The following ZMAT4 variants were observed in gnomAD, a reference collection of about 807,000 sequenced individuals.
ZMAT4 encodes the protein zinc finger matrin-type 4, also known as zinc finger matrin-type protein 4.
In ZMAT4, 17 loss-of-function variants were observed where a neutral mutation model predicts 28.7. The observed-to-expected ratio is 0.59, with a 90% confidence interval of 0.41 to 0.89. The LOEUF (loss-of-function observed/expected upper bound fraction) is 0.89. Ranked by LOEUF, ZMAT4 falls within the 40% of genes least tolerant of loss-of-function variation. The pLI, the probability that ZMAT4 is intolerant of heterozygous loss-of-function variation, is 0.00. For missense variants in ZMAT4, 240 were observed against 283.8 expected (o/e 0.85, Z 1.11); for synonymous variants, 117 against 109.2 (o/e 1.07, Z -0.44).
At chr8:40,845,527 G>C (rs1431924274) in intron 1 of ZMAT4, among the ~76,000 whole-genome samples, 1 of 151,806 alleles carries the variant, frequency 6.6e-6, no homozygotes, top group Non-Finnish European at 1.5e-5. Flanking sequence ...TGGTAAAATG[G>C]TCTATCAATA....
At chr8:40,730,900 G>A (rs1297247149) in intron 3 of ZMAT4, among the ~76,000 whole-genome samples, 1 of 152,204 alleles carries the variant, frequency 6.6e-6, no homozygotes, top group East Asian at 1.9e-4. Flanking sequence ...GGCTTGAACA[G>A]TAAACTGCAG....
chr8:40,736,731 T>C (rs193135708), intron 3 of ZMAT4, among the ~76,000 whole-genome samples: 1 of 152,170 alleles, frequency 6.6e-6, no homozygotes, highest in East Asian at 1.9e-4. Flanking sequence ...GGTTTTGCAA[T>C]TGAGAACAGT....
chr8:40,830,663 G>T (rs191920117), intron 1 of ZMAT4, among the ~76,000 whole-genome samples: 4 of 152,132 alleles, frequency 2.6e-5, no homozygotes, highest in Non-Finnish European at 4.4e-5. Flanking sequence ...GTCTTTTGGG[G>T]TATCTGTGTG....
At chr8:40,807,084 G>C (rs1402090302) in intron 2 of ZMAT4, among the ~76,000 whole-genome samples, 1 of 146,288 alleles carries the variant, frequency 6.8e-6, no homozygotes, top group African/African-American at 2.5e-5. Flanking sequence ...GAGTGAATAT[G>C]CCCAGAGAGC....
chr8:40,532,983 A>G (rs77662940), intron 6 of ZMAT4, among the ~76,000 whole-genome samples: 1 of 146,408 alleles, frequency 6.8e-6, no homozygotes. Context: ...CTCCATGTCA[A>G]AAAAAAAAAA....
chr8:40,674,878 C>A lies in ZMAT4; in HGVS notation c.403G>T (p.Ala135Ser), dbSNP rs559636677. 6.2e-7 allele frequency: 1 copy of A among 1,613,330 alleles called. No individual in the cohort carries two copies. Among genetic ancestry groups the A allele is most frequent in the South Asian group, 1.1e-5 (1 of 91,040 alleles). ...GAATCTCTTCTTTGATAGGGAGATG[C>A]GACCACCGGAGCAGTGTCCATCCGT... ...PPRMDTAPVV[A>S]SPYQRRDSDR... The change falls in exon 5 of 7, where the codon GCA becomes TCA. Residue 135 changes from alanine (A) to serine (S), a missense_variant. Coordinates refer to ENST00000297737, the MANE Select transcript of ZMAT4 (RefSeq NM_024645.3).
intron 5 of ZMAT4, among the ~76,000 whole-genome samples, chr8:40,668,109 C>T (rs1345114026): frequency 6.6e-6 from 1 of 151,886 alleles, no homozygotes; most frequent in African/African-American, 2.4e-5. Context: ...AGGGAAGGTT[C>T]GATAATAGGA....
At chr8:40,739,212 G>A (rs1167402757) in intron 3 of ZMAT4, among the ~76,000 whole-genome samples, 1 of 152,164 alleles carries the variant, frequency 6.6e-6, no homozygotes, top group African/African-American at 2.4e-5. Context: ...TCTTAACTCA[G>A]TCACATGGGC....
intron 2 of ZMAT4, among the ~76,000 whole-genome samples, chr8:40,785,761 T>C (rs1814045973): frequency 6.6e-6 from 1 of 152,188 alleles, no homozygotes; most frequent in Non-Finnish European, 1.5e-5. Flanking sequence ...GGGAAAATAA[T>C]AAAGTCTTCA....
intron 5 of ZMAT4, among the ~76,000 whole-genome samples, chr8:40,608,093 T>A (rs1017056268): frequency 2.6e-5 from 4 of 152,022 alleles, no homozygotes; most frequent in African/African-American, 9.7e-5. Context: ...GTTGTCTGGG[T>A]AAGTATTCAG....
intron 1 of ZMAT4, 119 bp downstream of exon 1, chr8:40,897,564 C>T (rs906232963): frequency 2.6e-5 from 4 of 152,268 alleles, no homozygotes; most frequent in African/African-American, 4.8e-5. Context: ...GATTTCCCAC[C>T]TTTATCACAT....
chr8:40,601,458 G>GGAAGGAAGGA (rs1563359900), intron 5 of ZMAT4, among the ~76,000 whole-genome samples: 1 of 28,200 alleles, frequency 3.5e-5, no homozygotes, highest in African/African-American at 1.9e-4. Context: ...GGAAGGAAGG[G>GGAAGGAAGGA]AGGAAGAAAG....
chr8:40,753,190 T>C (rs764324700), intron 3 of ZMAT4, among the ~76,000 whole-genome samples: 1 of 152,106 alleles, frequency 6.6e-6, no homozygotes, highest in Non-Finnish European at 1.5e-5. Flanking sequence ...CTGAGAATGA[T>C]GGTTTCCAGC....
chr8:40,811,164 T>C (rs1208724610), intron 2 of ZMAT4, among the ~76,000 whole-genome samples: 1 of 152,062 alleles, frequency 6.6e-6, no homozygotes, highest in Non-Finnish European at 1.5e-5. Flanking sequence ...TTGAATGTAC[T>C]AAGTGGCCCC....
chr8:40,888,401 TA>T (rs1242303299), intron 1 of ZMAT4: 1 of 152,236 alleles, frequency 6.6e-6, no homozygotes, highest in Non-Finnish European at 1.5e-5. Flanking sequence ...CTGAGGCTTG[TA>T]AATACAAAAC....
chr8:40,837,232 T>C (rs925747478), intron 1 of ZMAT4, among the ~76,000 whole-genome samples: 5 of 152,310 alleles, frequency 3.3e-5, no homozygotes, highest in African/African-American at 9.6e-5. Flanking sequence ...CTTAAAAACC[T>C]GCTGTTTGAT....
chr8:40,572,899 ATAATAGTAGTAG>A (rs1359402249), intron 6 of ZMAT4, among the ~76,000 whole-genome samples: 1 of 152,188 alleles, frequency 6.6e-6, no homozygotes, highest in African/African-American at 2.4e-5. Flanking sequence ...ATTAGTTATC[ATAATAGTAGTAG>A]TAATAAAGGC....
intron 6 of ZMAT4, among the ~76,000 whole-genome samples, chr8:40,555,309 GT>G (rs1563338135): frequency 6.6e-6 from 1 of 152,120 alleles, no homozygotes; most frequent in Non-Finnish European, 1.5e-5. Flanking sequence ...ATATACTGAT[GT>G]ATTTTCCTTT....
At chr8:40,828,557 TA>T (rs1300791688) in intron 1 of ZMAT4, among the ~76,000 whole-genome samples, 2 of 152,012 alleles carry the variant, frequency 1.3e-5, no homozygotes, top group East Asian at 1.9e-4. Context: ...ATGTGTATAC[TA>T]AAAAAAATTC....
Sources: allele counts gnomAD v4.1 joint callset (sites outside exome capture counted in the v4.1 genomes callset), GRCh38; gene constraint gnomAD v4.1.1; transcripts MANE v1.5; gene names NCBI Gene and HGNC (gene_info 2026-07-23, HGNC 2026-07-21).